The following SYT1 variants were observed in gnomAD, a reference collection of about 807,000 sequenced individuals.
SYT1 encodes synaptotagmin 1.
SYT1 carries 8 observed loss-of-function variants against 44.8 expected under a neutral mutation model. That is an observed-to-expected ratio of 0.18 (90% CI 0.10 to 0.32). The LOEUF is 0.32. SYT1 is among the 10% of genes least tolerant of loss of function. The probability of loss-of-function intolerance (pLI) is 1.00; values close to 1 mark genes in which losing one functional copy is unlikely to be tolerated. For missense variants in SYT1, 286 were observed against 509.3 expected, an observed-to-expected ratio of 0.56 and a Z score of 4.22; for synonymous variants, 154 against 188.8, an observed-to-expected ratio of 0.82 and a Z score of 1.51.
At chr12:79,255,932 A>G (rs1877488364) in intron 4 of SYT1, among the ~76,000 whole-genome samples, 2 of 152,232 alleles carry the variant, frequency 1.3e-5, no homozygotes, top group African/African-American at 4.8e-5. Context: ...TGTACATTAA[A>G]GTATGTTAAT....
intron 1 of SYT1, among the ~76,000 whole-genome samples, chr12:78,947,405 C>T (rs1477716061): frequency 6.8e-6 from 1 of 146,360 alleles, no homozygotes; most frequent in South Asian, 2.1e-4. Flanking sequence ...GGCTACTGAA[C>T]TGGGGGCTCC....
chr12:78,957,740 G>A (rs1349119771), intron 1 of SYT1, among the ~76,000 whole-genome samples: 1 of 152,018 alleles, frequency 6.6e-6, no homozygotes, highest in Non-Finnish European at 1.5e-5. Flanking sequence ...TTAAGGTCCT[G>A]TGCACATTTT....
intron 3 of SYT1, among the ~76,000 whole-genome samples, chr12:79,122,058 G>T (rs1018418335): frequency 2.0e-5 from 3 of 152,162 alleles, no homozygotes; most frequent in African/African-American, 7.2e-5. Flanking sequence ...GATGTCTTCT[G>T]TTTATCATAT....
intron 3 of SYT1, among the ~76,000 whole-genome samples, chr12:79,136,970 T>C (rs796895633): frequency 6.6e-6 from 1 of 152,348 alleles, no homozygotes; most frequent in African/African-American, 2.4e-5. Context: ...TAGTTATTTC[T>C]ATGGGTCAGA....
At chr12:79,269,782 A>G (rs983327719) in intron 4 of SYT1, among the ~76,000 whole-genome samples, 1 of 152,168 alleles carries the variant, frequency 6.6e-6, no homozygotes, top group African/African-American at 2.4e-5. Context: ...TAAACTGGAC[A>G]TATGATTCAA....
At chr12:79,412,550 A>G (rs1001688238) in intron 9 of SYT1, among the ~76,000 whole-genome samples, 1 of 152,042 alleles carries the variant, frequency 6.6e-6, no homozygotes, top group African/African-American at 2.4e-5. Flanking sequence ...GTTGCCTGAC[A>G]TTCCTGGGTG....
chr12:79,423,073 A>G (rs2136160416), intron 9 of SYT1, among the ~76,000 whole-genome samples: 1 of 152,256 alleles, frequency 6.6e-6, no homozygotes, highest in South Asian at 2.1e-4. Flanking sequence ...GAGTTCAGTA[A>G]TTCACCAGTA....
At chr12:79,180,488 T>A (rs538606474) in intron 3 of SYT1, among the ~76,000 whole-genome samples, 559 of 23,686 alleles carry the variant, frequency 0.024, 2 homozygotes, top group African/African-American at 0.051. Context: ...TTTTTTTTTT[T>A]AAAAAAAGGA....
upstream of SYT1, chr12:78,864,370 A>G (rs1428872462): frequency 6.6e-6 from 1 of 150,980 alleles, no homozygotes; most frequent in Admixed American, 6.6e-5. Context: ...AAAAAAAAAA[A>G]AAGCTTTGTA....
At chr12:79,014,140 A>AAAAAAAAAAAAAAG (rs1871633074) in intron 2 of SYT1, among the ~76,000 whole-genome samples, 1 of 125,536 alleles carries the variant, frequency 8.0e-6, no homozygotes, top group African/African-American at 3.8e-5. Context: ...AAAAAAAAAG[A>AAAAAAAAAAAAAAG]AAAAAAAAAA....
intron 5 of SYT1, among the ~76,000 whole-genome samples, chr12:79,287,075 T>C (rs1879348861): frequency 6.6e-6 from 1 of 152,184 alleles, no homozygotes; most frequent in Admixed American, 6.5e-5. Flanking sequence ...TCATTACACA[T>C]TCAGGGACAT....
chr12:79,151,690 G>A (rs1047294833), intron 3 of SYT1, among the ~76,000 whole-genome samples: 6 of 152,132 alleles, frequency 3.9e-5, no homozygotes, highest in Non-Finnish European at 8.8e-5. Flanking sequence ...GATGGTTTGA[G>A]AGCTATTTAG....
At chr12:78,909,210 CTAATA>C (rs531328899) in intron 1 of SYT1, among the ~76,000 whole-genome samples, 533 of 151,908 alleles carry the variant, frequency 3.5e-3, no homozygotes, top group African/African-American at 0.012. Flanking sequence ...GAATGGTTAT[CTAATA>C]TAAGTGTATG....
chr12:79,024,949 T>C (rs1459548302), intron 2 of SYT1, among the ~76,000 whole-genome samples: 2 of 151,854 alleles, frequency 1.3e-5, no homozygotes, highest in African/African-American at 4.8e-5. Flanking sequence ...CTGCATTTAT[T>C]GTGACCTTTG....
chr12:79,147,812 T>C (rs1321218454), intron 3 of SYT1, among the ~76,000 whole-genome samples: 2 of 152,184 alleles, frequency 1.3e-5, no homozygotes, highest in African/African-American at 2.4e-5. Context: ...TTAGTATTTG[T>C]AAGTCAGGGT....
At chr12:79,278,361 C>A (rs1398291766) in intron 4 of SYT1, among the ~76,000 whole-genome samples, 1 of 152,026 alleles carries the variant, frequency 6.6e-6, no homozygotes, top group Admixed American at 6.5e-5. Flanking sequence ...TTAGGAGGAG[C>A]TCTCAAAACT....
intron 1 of SYT1, among the ~76,000 whole-genome samples, chr12:78,933,759 A>C (rs997631086): frequency 6.6e-6 from 1 of 152,170 alleles, no homozygotes; most frequent in Non-Finnish European, 1.5e-5. Flanking sequence ...CATAAATTCT[A>C]CAGGCCAATT....
At chr12:79,105,388 A>G (rs1459537552) in intron 3 of SYT1, among the ~76,000 whole-genome samples, 2 of 152,186 alleles carry the variant, frequency 1.3e-5, no homozygotes, top group Non-Finnish European at 2.9e-5. Flanking sequence ...ATTGTTACAT[A>G]TAAGGAAGAG....
intron 3 of SYT1, among the ~76,000 whole-genome samples, chr12:79,087,989 T>A (rs1877499716): frequency 6.6e-6 from 1 of 152,096 alleles, no homozygotes; most frequent in Non-Finnish European, 1.5e-5. Context: ...ATTAGTTGAA[T>A]GGGATAACAC....
Sources: allele counts gnomAD v4.1 joint callset (sites outside exome capture counted in the v4.1 genomes callset), GRCh38; gene constraint gnomAD v4.1.1; transcripts MANE v1.5; gene names NCBI Gene and HGNC (gene_info 2026-07-23, HGNC 2026-07-21).